The following ANK3 variants were observed in gnomAD, a reference collection of about 807,000 sequenced individuals.
ANK3 encodes the protein ankyrin-3.
ANK3 carries 57 observed loss-of-function variants against 370.9 expected under a neutral mutation model. The ratio of observed to expected loss-of-function variants is 0.15; its 90% CI spans 0.12 to 0.19. The LOEUF (loss-of-function observed/expected upper bound fraction) is 0.19. Among genes scored for constraint, ANK3 ranks in the 10% least tolerant of loss-of-function variants. The pLI, the probability that ANK3 is intolerant of heterozygous loss-of-function variation, is 1.00. For synonymous variants in ANK3, 1,929 were observed against 1,946.3 expected, an observed-to-expected ratio of 0.99 and a Z score of 0.23; for missense variants, 4,439 against 5,302.1, an observed-to-expected ratio of 0.84 and a Z score of 5.06.
intron 1 of ANK3, among the ~76,000 whole-genome samples, chr10:60,331,444 C>T (rs979533697): frequency 6.6e-6 from 1 of 151,836 alleles, no homozygotes; most frequent in Non-Finnish European, 1.5e-5. Flanking sequence ...CAGTGTTTTT[C>T]TCTGGTTGAC....
intron 1 of ANK3, among the ~76,000 whole-genome samples, chr10:60,357,630 T>C (rs1397344396): frequency 1.3e-5 from 2 of 152,226 alleles, no homozygotes; most frequent in African/African-American, 2.4e-5. Context: ...CTATGAATCT[T>C]GAATGGACCC....
chr10:60,621,875 G>A (rs1002880799), intron 1 of ANK3, among the ~76,000 whole-genome samples: 6 of 152,080 alleles, frequency 3.9e-5, no homozygotes, highest in African/African-American at 1.4e-4. Context: ...AGTCAGATAG[G>A]AGATGTTTGA....
intron 1 of ANK3, among the ~76,000 whole-genome samples, chr10:60,679,396 G>C (rs1468770657): frequency 6.6e-6 from 1 of 152,110 alleles, no homozygotes; most frequent in African/African-American, 2.4e-5. Context: ...CCAAGTAAAG[G>C]CAATCTCCCA....
At chr10:60,730,308 C>T (rs1447887089) in intron 1 of ANK3, among the ~76,000 whole-genome samples, 2 of 152,016 alleles carry the variant, frequency 1.3e-5, no homozygotes, top group East Asian at 1.9e-4. Context: ...CAGGCACTTG[C>T]CCCCATGCCC....
chr10:60,695,470 A>C (rs1468761279), intron 1 of ANK3, among the ~76,000 whole-genome samples: 1 of 152,082 alleles, frequency 6.6e-6, no homozygotes, highest in Non-Finnish European at 1.5e-5. Context: ...ACCACACCAC[A>C]CCTATTCCAA....
At chr10:60,457,272 C>A (rs1163117740) in intron 2 of ANK3, among the ~76,000 whole-genome samples, 1 of 152,094 alleles carries the variant, frequency 6.6e-6, no homozygotes, top group African/African-American at 2.4e-5. Flanking sequence ...TTGAAAGGAG[C>A]CTACAAATTC....
chr10:60,271,158 A>T (rs2097974234), intron 4 of ANK3, among the ~76,000 whole-genome samples: 1 of 152,136 alleles, frequency 6.6e-6, no homozygotes, highest in Non-Finnish European at 1.5e-5. Flanking sequence ...TAAGCATCAA[A>T]CAATTTTCAA....
intron 2 of ANK3, among the ~76,000 whole-genome samples, chr10:60,536,851 T>G (rs1348826337): frequency 6.6e-6 from 1 of 152,046 alleles, no homozygotes; most frequent in Non-Finnish European, 1.5e-5. Context: ...AAAACAGATC[T>G]GCTGTCTATA....
At chr10:60,395,274 A>G (rs1474303900) in intron 2 of ANK3, among the ~76,000 whole-genome samples, 3 of 152,252 alleles carry the variant, frequency 2.0e-5, no homozygotes, top group South Asian at 2.1e-4. Flanking sequence ...ATGATTTTAT[A>G]TATTGATTCA....
chr10:60,344,737 G>A (rs1418944786), intron 1 of ANK3, among the ~76,000 whole-genome samples: 1 of 152,160 alleles, frequency 6.6e-6, no homozygotes, highest in Non-Finnish European at 1.5e-5. Flanking sequence ...TGAAAACAGA[G>A]CTTAAAAAGT....
At chr10:60,351,781 G>A (rs867318429) in intron 1 of ANK3, among the ~76,000 whole-genome samples, 1 of 152,070 alleles carries the variant, frequency 6.6e-6, no homozygotes, top group African/African-American at 2.4e-5. Flanking sequence ...TTAGGCCATC[G>A]GGGTCTCAGA....
In ANK3 at chr10:60,341,663, G is replaced by A. The variant is rs372396314; in HGVS notation, c.114+47762C>T. 7.8e-4 allele frequency among the ~76,000 whole-genome samples: 119 copies of A among 152,236 alleles called. 1 individual carries two copies. Among genetic ancestry groups the A allele is most frequent in the African/African-American group, 2.7e-3 (114 of 41,546 alleles). The stretch of plus-strand genomic sequence containing the variant: ...GAGGGGGCATTTAAGGGTAGAGATC[G>A]TGCCTGGTTCCTTTTTGTGTTCTGT... On this transcript the variant is annotated intron_variant, in intron 1 of 43. Coordinates refer to ENST00000280772, the MANE Select transcript of ANK3 (RefSeq NM_020987.5).
intron 1 of ANK3, among the ~76,000 whole-genome samples, chr10:60,643,623 C>T (rs897576614): frequency 6.6e-6 from 1 of 152,104 alleles, no homozygotes; most frequent in Non-Finnish European, 1.5e-5. Flanking sequence ...ACCAACCTTT[C>T]TCACATGGTA....
At chr10:60,693,838 G>A (rs1405213132) in intron 1 of ANK3, among the ~76,000 whole-genome samples, 1 of 152,192 alleles carries the variant, frequency 6.6e-6, no homozygotes, top group Non-Finnish European at 1.5e-5. Context: ...AAAATGCAGA[G>A]CACCTCTCCT....
At chr10:60,231,681 T>C (rs1288701804) in intron 8 of ANK3, among the ~76,000 whole-genome samples, 2 of 152,182 alleles carry the variant, frequency 1.3e-5, no homozygotes, top group Admixed American at 6.5e-5. Context: ...AGAAGGGACA[T>C]TTTGATGAAG....
chr10:60,622,667 G>A (rs533724775), intron 1 of ANK3, among the ~76,000 whole-genome samples: 6 of 152,240 alleles, frequency 3.9e-5, no homozygotes, highest in African/African-American at 1.4e-4. Context: ...AATACATGCT[G>A]AATCATTATA....
chr10:60,152,146 A>G (rs1420897821), intron 23 of ANK3, among the ~76,000 whole-genome samples: 1 of 152,190 alleles, frequency 6.6e-6, no homozygotes, highest in African/African-American at 2.4e-5. Flanking sequence ...CCTAAGACCT[A>G]TGATAGACAC....
At chr10:60,048,580 A>C (rs548603863) in intron 42 of ANK3, among the ~76,000 whole-genome samples, 4 of 152,196 alleles carry the variant, frequency 2.6e-5, no homozygotes, top group Admixed American at 2.6e-4. Context: ...ATATTCTCCC[A>C]TATACTTTAA....
chr10:60,065,418 A>G (rs1446559541), intron 38 of ANK3, among the ~76,000 whole-genome samples: 1 of 152,212 alleles, frequency 6.6e-6, no homozygotes, highest in Non-Finnish European at 1.5e-5. Context: ...GATCCCATGG[A>G]AAAGGAATTG....
Sources: gnomAD v4.1 joint callset for allele counts (sites outside exome capture counted in the v4.1 genomes callset) on GRCh38, gnomAD v4.1.1 for gene constraint, MANE v1.5 for transcripts, NCBI Gene and HGNC (gene_info 2026-07-23, HGNC 2026-07-21) for gene names.